Variants in SENP7 observed in about 807,000 individuals in gnomAD.
The protein encoded by SENP7 is sentrin-specific protease 7.
Under a neutral mutation model 141.2 loss-of-function variants are expected in SENP7, and 64 were observed. That is an observed-to-expected ratio of 0.45 (90% CI 0.37 to 0.56). SENP7 has a LOEUF of 0.56. SENP7 is among the 20% of genes least tolerant of loss of function. The pLI, the probability that SENP7 is intolerant of heterozygous loss-of-function variation, is 0.00. For synonymous variants in SENP7, 382 were observed against 426.4 expected (o/e 0.90, Z 1.28); for missense variants, 1,025 against 1,212.2 (o/e 0.85, Z 2.29).
intron 2 of SENP7, among the ~76,000 whole-genome samples, chr3:101,497,551 C>T (rs973281132): frequency 6.6e-6 from 1 of 151,594 alleles, no homozygotes; most frequent in East Asian, 1.9e-4. Flanking sequence ...CACAAGGGTA[C>T]AGCCAACATG....
chr3:101,477,991 T>C (rs1203286285), intron 3 of SENP7, among the ~76,000 whole-genome samples: 1 of 151,758 alleles, frequency 6.6e-6, no homozygotes, highest in Non-Finnish European at 1.5e-5. Flanking sequence ...AACAACTGGC[T>C]AGACTGGCTA....
chr3:101,508,384 C>T (rs2065713971), intron 1 of SENP7, among the ~76,000 whole-genome samples: 1 of 152,076 alleles, frequency 6.6e-6, no homozygotes, highest in South Asian at 2.1e-4. Flanking sequence ...ATCACGAGGT[C>T]AGGAGATCAA....
chr3:101,383,661 C>T (rs980977053), intron 6 of SENP7, among the ~76,000 whole-genome samples: 1 of 152,196 alleles, frequency 6.6e-6, no homozygotes, highest in Admixed American at 6.5e-5. Context: ...TACACATGCT[C>T]GGGTACACGC....
At chr3:101,360,010 A>G (rs1220233076) in intron 11 of SENP7, among the ~76,000 whole-genome samples, 1 of 152,116 alleles carries the variant, frequency 6.6e-6, no homozygotes, top group African/African-American at 2.4e-5. Flanking sequence ...TAGGTTATCC[A>G]ACTTTTTGCC....
chr3:101,405,385 A>C (rs1006698742), intron 5 of SENP7, among the ~76,000 whole-genome samples: 2 of 152,154 alleles, frequency 1.3e-5, no homozygotes, highest in Non-Finnish European at 2.9e-5. Flanking sequence ...AAAGGGCGAG[A>C]GTACTATAAT....
intron 3 of SENP7, among the ~76,000 whole-genome samples, chr3:101,486,553 C>T (rs1483902624): frequency 7.9e-5 from 12 of 152,092 alleles, no homozygotes; most frequent in African/African-American, 2.4e-4. Context: ...GACAAGCAAA[C>T]GCTGAGAAAA....
chr3:101,506,103 C>T (rs1426070116), intron 1 of SENP7, among the ~76,000 whole-genome samples: 1 of 150,568 alleles, frequency 6.6e-6, no homozygotes, highest in African/African-American at 2.4e-5. Flanking sequence ...TCACTGCAAC[C>T]TCCACCTCCC....
intron 3 of SENP7, among the ~76,000 whole-genome samples, chr3:101,482,938 AAAC>A (rs1439254037): frequency 2.0e-5 from 3 of 152,162 alleles, no homozygotes; most frequent in Non-Finnish European, 2.9e-5. Context: ...TAAAAAGTCA[AAAC>A]AACAACAACG....
In SENP7 at chr3:101,337,651, C is replaced by T. The variant is rs1576821500; in HGVS notation, c.2358-20G>A. Reference sequence around the variant, plus strand: ...AGATACCTGTAAAGTAGTAACCCCACAAAAGTAAATTATTTTTAGATTTTA... The same window carrying T: ...AGATACCTGTAAAGTAGTAACCCCATAAAAGTAAATTATTTTTAGATTTTA... On this transcript the variant is annotated intron_variant, in intron 16 of 23. Coordinates refer to ENST00000394095, the MANE Select transcript of SENP7 (RefSeq NM_020654.5). 6.6e-7 allele frequency: 1 copy of T among 1,509,608 alleles called. No individual in the cohort carries two copies. Among genetic ancestry groups the T allele is most frequent in the Non-Finnish European group, 8.8e-7 (1 of 1,130,038 alleles). 93.5% of individuals were successfully genotyped at this position (1,509,608 alleles called of 1,614,324 possible). A position where few individuals can be genotyped will look rare whatever the true frequency, so the allele number is the denominator to read the frequency against.
chr3:101,351,122 TC>T (rs2059601648), intron 12 of SENP7, among the ~76,000 whole-genome samples: 1 of 152,012 alleles, frequency 6.6e-6, no homozygotes, highest in African/African-American at 2.4e-5. Context: ...ATATTGGTTT[TC>T]TTAGTGTCAT....
chr3:101,433,374 A>G (rs762143970), intron 4 of SENP7, among the ~76,000 whole-genome samples: 32 of 152,082 alleles, frequency 2.1e-4, no homozygotes, highest in Middle Eastern at 3.4e-3. Context: ...GAAGACCACA[A>G]AACAATCAGA....
At chr3:101,336,003 C>G (rs1179654149) in intron 17 of SENP7, among the ~76,000 whole-genome samples, 3 of 152,172 alleles carry the variant, frequency 2.0e-5, no homozygotes, top group Non-Finnish European at 4.4e-5. Flanking sequence ...TATACGCACT[C>G]GTTGTCTAGT....
intron 1 of SENP7, among the ~76,000 whole-genome samples, chr3:101,505,367 TTA>T (rs1393361011): frequency 4.6e-5 from 7 of 152,226 alleles, no homozygotes; most frequent in African/African-American, 1.4e-4. Context: ...ACATGTCATT[TTA>T]AAAGGAATGT....
chr3:101,410,653 C>T (rs2061429212), intron 5 of SENP7, among the ~76,000 whole-genome samples: 2 of 152,018 alleles, frequency 1.3e-5, no homozygotes, highest in Non-Finnish European at 2.9e-5. Context: ...TCGAGACCAG[C>T]TTAGCCAACA....
chr3:101,452,886 G>C (rs1385374238), intron 4 of SENP7, among the ~76,000 whole-genome samples: 3 of 152,154 alleles, frequency 2.0e-5, no homozygotes, highest in Non-Finnish European at 4.4e-5. Flanking sequence ...AAACTAAAGA[G>C]CTTCTTTACA....
chr3:101,380,460 A>C (rs1035293408), intron 6 of SENP7, among the ~76,000 whole-genome samples: 3 of 138,660 alleles, frequency 2.2e-5, no homozygotes, highest in African/African-American at 8.0e-5. Flanking sequence ...CACACACACA[A>C]AACAAAACAT....
intron 4 of SENP7, among the ~76,000 whole-genome samples, chr3:101,456,381 T>C (rs9865178): frequency 0.4 from 60,309 of 151,906 alleles, 12,493 homozygotes; most frequent in Admixed American, 0.54. Flanking sequence ...TGTTCTTTAT[T>C]AAGAAGATGG....
intron 4 of SENP7, chr3:101,457,603 T>A (rs1042505616): frequency 2.5e-6 from 4 of 1,575,614 alleles, no homozygotes; most frequent in Admixed American, 3.3e-5. Context: ...AACTGAAGTT[T>A]TTTATCATCT....
rs532456711 is a variant in SENP7 at position 101,454,732 on chromosome 3, C to T, written c.284+4223G>A. On this transcript the variant is annotated intron_variant, in intron 4 of 23. Transcript: ENST00000394095. Reference sequence around the variant, plus strand: ...TCAAAAACATTATGCTCAGTGAAAGCCAGATGAAAAAGATCAAACATATTG... The same window carrying T: ...TCAAAAACATTATGCTCAGTGAAAGTCAGATGAAAAAGATCAAACATATTG... Among the ~76,000 whole-genome samples, 10 of 152,058 alleles carry T rather than the reference C, an allele frequency of 6.6e-5. No homozygotes were observed. In the South Asian group the frequency reaches 1.5e-3, roughly 22 times the overall value.
Sources: gnomAD v4.1 joint callset for allele counts (sites outside exome capture counted in the v4.1 genomes callset) on GRCh38, gnomAD v4.1.1 for gene constraint, MANE v1.5 for transcripts, NCBI Gene and HGNC (gene_info 2026-07-23, HGNC 2026-07-21) for gene names.